Variants in CEP128 observed in about 807,000 individuals in gnomAD.
The protein encoded by CEP128 is centrosomal protein 128kDa.
A neutral mutation model predicts 156.7 loss-of-function variants in CEP128; 132 were observed. That is an observed-to-expected ratio of 0.84 (90% CI 0.73 to 0.97). The LOEUF is 0.97. CEP128 is among the 50% of genes least tolerant of loss of function. The pLI is 0.00. For synonymous variants in CEP128, 469 were observed against 448.9 expected, an observed-to-expected ratio of 1.04 and a Z score of -0.57; for missense variants, 1,252 against 1,281.9, an observed-to-expected ratio of 0.98 and a Z score of 0.36.
chr14:80,870,169 T>C (rs1887956117), intron 8 of CEP128, among the ~76,000 whole-genome samples: 1 of 151,936 alleles, frequency 6.6e-6, no homozygotes, highest in Admixed American at 6.6e-5. Context: ...CTACCAAACA[T>C]GTAAAGAAAA....
intron 19 of CEP128, among the ~76,000 whole-genome samples, chr14:80,661,373 A>G (rs1381312866): frequency 6.6e-6 from 1 of 152,180 alleles, no homozygotes; most frequent in Non-Finnish European, 1.5e-5. Flanking sequence ...ATATACTTCA[A>G]GAGTACTTTA....
intron 19 of CEP128, among the ~76,000 whole-genome samples, chr14:80,657,350 G>T (rs948336022): frequency 1.3e-5 from 2 of 151,790 alleles, no homozygotes; most frequent in Non-Finnish European, 2.9e-5. Context: ...CTAATAAATG[G>T]AGATTAAAAC....
At chr14:80,788,071 T>C (rs1305216992) in intron 14 of CEP128, among the ~76,000 whole-genome samples, 1 of 152,132 alleles carries the variant, frequency 6.6e-6, no homozygotes, top group Non-Finnish European at 1.5e-5. Flanking sequence ...GCAATACAGA[T>C]ACTAAAAACT....
At chr14:80,694,065 GA>G (rs1001746610) in intron 19 of CEP128, among the ~76,000 whole-genome samples, 56 of 151,790 alleles carry the variant, frequency 3.7e-4, no homozygotes, top group African/African-American at 1.3e-3. Context: ...AAATTTACAA[GA>G]AAAAAACAAA....
intron 19 of CEP128, among the ~76,000 whole-genome samples, chr14:80,734,709 A>ATGG (rs889359810): frequency 6.6e-6 from 1 of 151,806 alleles, no homozygotes; most frequent in African/African-American, 2.4e-5. Flanking sequence ...TTAACTGGGT[A>ATGG]TGGTGGTACA....
At chr14:80,743,341 A>C in intron 18 of CEP128, 74 bp from the exon 19 acceptor site, 1 of 1,185,730 alleles carries the variant, frequency 8.4e-7, no homozygotes, top group Non-Finnish European at 1.2e-6. Flanking sequence ...TGAAGAAAAA[A>C]ATAAGTAACA....
chr14:80,755,523 C>T (rs949065485), intron 18 of CEP128, among the ~76,000 whole-genome samples: 1 of 152,198 alleles, frequency 6.6e-6, no homozygotes, highest in Non-Finnish European at 1.5e-5. Context: ...GTGCAATCCC[C>T]ACCCAATCCT....
At chr14:80,607,137 G>T (rs554963689) in intron 19 of CEP128, among the ~76,000 whole-genome samples, 1 of 151,938 alleles carries the variant, frequency 6.6e-6, no homozygotes, top group East Asian at 1.9e-4. Flanking sequence ...TTTAGAGAAA[G>T]CCTTTGATAT....
chr14:80,645,391 C>G (rs10139763), intron 19 of CEP128, among the ~76,000 whole-genome samples: 205 of 151,808 alleles, frequency 1.4e-3, no homozygotes, highest in Non-Finnish European at 2.7e-3. Flanking sequence ...TAGGAGAAAT[C>G]AGACTCAAAG....
At position 80,658,350 on chromosome 14, in the gene CEP128, T is replaced by C. The variant is rs111994110; in HGVS notation, c.2807-77927A>G. ...GGCTTTACTGCCCTATTCACATTTATGCTTGTCAGCAAATTTCCCTTGGCT... is the reference window on the plus strand; with the variant it reads ...GGCTTTACTGCCCTATTCACATTTACGCTTGTCAGCAAATTTCCCTTGGCT... On this transcript the variant is annotated intron_variant, in intron 19 of 24. Transcript: ENST00000555265. 5.7e-3 allele frequency among the ~76,000 whole-genome samples: 864 copies of C among 152,306 alleles called. 3 individuals carry two copies. The highest frequency in any genetic ancestry group is 0.02 in the African/African-American group (822 of 41,558).
At chr14:80,581,827 C>A (rs1388719782) in intron 19 of CEP128, among the ~76,000 whole-genome samples, 1 of 152,200 alleles carries the variant, frequency 6.6e-6, no homozygotes, top group Non-Finnish European at 1.5e-5. Context: ...AATCATTCCT[C>A]TTCCTGCATC....
chr14:80,559,247 G>T, intron 21 of CEP128, 32 bp downstream of exon 21: 1 of 1,592,574 alleles, frequency 6.3e-7, no homozygotes, highest in South Asian at 1.1e-5. Context: ...CAGTAATTCT[G>T]ATAAAAGGAG....
chr14:80,521,341 A>G (rs1184761446), intron 23 of CEP128, among the ~76,000 whole-genome samples: 4 of 152,046 alleles, frequency 2.6e-5, no homozygotes, highest in Non-Finnish European at 1.5e-5. Context: ...AATTATTTGG[A>G]AGGGTAAAAG....
intron 16 of CEP128, among the ~76,000 whole-genome samples, chr14:80,763,080 T>C (rs1262750155): frequency 6.6e-6 from 1 of 152,136 alleles, no homozygotes; most frequent in East Asian, 1.9e-4. Flanking sequence ...CAGATCTAGA[T>C]GGGAAGGCAA....
intron 21 of CEP128, among the ~76,000 whole-genome samples, chr14:80,544,482 C>A (rs1249001921): frequency 1.3e-5 from 2 of 152,118 alleles, no homozygotes; most frequent in Admixed American, 1.3e-4. Context: ...GAGATCATCT[C>A]TCTAGTATCT....
At chr14:80,808,321 A>T (rs577509732) in intron 13 of CEP128, among the ~76,000 whole-genome samples, 1 of 152,346 alleles carries the variant, frequency 6.6e-6, no homozygotes, top group Non-Finnish European at 1.5e-5. Context: ...GTGTAAGGTC[A>T]GGATCCCTCC....
At chr14:80,713,606 T>C (rs920311630) in intron 19 of CEP128, among the ~76,000 whole-genome samples, 1 of 152,204 alleles carries the variant, frequency 6.6e-6, no homozygotes, top group African/African-American at 2.4e-5. Context: ...AGTAAGTATC[T>C]ACACTAGTGG....
Position 80,506,413 on chromosome 14 carries a change from T to TA in CEP128, c.3073-1394_3073-1393insT, listed in dbSNP as rs111837710. Among the ~76,000 whole-genome samples, 249 of 150,806 alleles carry TA rather than the reference T, an allele frequency of 1.7e-3. 1 individual carries two copies. Among genetic ancestry groups the TA allele is most frequent in the African/African-American group, 5.4e-3 (222 of 41,178 alleles). Reference sequence around the variant, plus strand: ...GAAGGATGACAAGCTTTGATTTATTTTTTTTTTTTTCAAAGATCACTTGGG... The same window carrying TA: ...GAAGGATGACAAGCTTTGATTTATTTATTTTTTTTTTCAAAGATCACTTGGG... On this transcript the variant is annotated intron_variant, in intron 23 of 24. Coordinates refer to ENST00000555265, the MANE Select transcript of CEP128 (RefSeq NM_152446.5).
intron 13 of CEP128, among the ~76,000 whole-genome samples, chr14:80,806,127 C>A (rs1374234860): frequency 6.6e-6 from 1 of 151,998 alleles, no homozygotes; most frequent in Non-Finnish European, 1.5e-5. Context: ...TTTCTTTTTG[C>A]CAAATGGAGC....
Sources: gnomAD v4.1 joint callset for allele counts (sites outside exome capture counted in the v4.1 genomes callset) on GRCh38, gnomAD v4.1.1 for gene constraint, MANE v1.5 for transcripts, NCBI Gene and HGNC (gene_info 2026-07-23, HGNC 2026-07-21) for gene names.